NEK6: variants seen among roughly 807,000 people sequenced by gnomAD.
NEK6 encodes NIMA related kinase 6.
NEK6 carries 27 observed loss-of-function variants against 43.5 expected under a neutral mutation model. The ratio of observed to expected loss-of-function variants is 0.62; its 90% CI spans 0.46 to 0.86. The LOEUF is 0.86. Among genes scored for constraint, NEK6 ranks in the 40% least tolerant of loss-of-function variants. The probability of loss-of-function intolerance (pLI) is 0.00; values close to 1 mark genes in which losing one functional copy is unlikely to be tolerated. For missense variants in NEK6, 318 were observed against 414.4 expected, an observed-to-expected ratio of 0.77 and a Z score of 2.02; for synonymous variants, 167 against 164.1, an observed-to-expected ratio of 1.02 and a Z score of -0.14.
chr9:124,303,706 A>G (rs1397680189), intron 2 of NEK6, among the ~76,000 whole-genome samples: 3 of 152,244 alleles, frequency 2.0e-5, no homozygotes, highest in African/African-American at 4.8e-5. Context: ...GGGGAGGCAG[A>G]TCCCAGAAAG....
chr9:124,287,894 G>A (rs1383508146), intron 1 of NEK6, among the ~76,000 whole-genome samples: 1 of 152,220 alleles, frequency 6.6e-6, no homozygotes, highest in African/African-American at 2.4e-5. Flanking sequence ...CTGTGATCAT[G>A]AGGCACAATC....
chr9:124,325,068 G>A (rs147281728), intron 5 of NEK6, among the ~76,000 whole-genome samples: 2,348 of 152,182 alleles, frequency 0.015, 60 homozygotes, highest in African/African-American at 0.053. Context: ...CCAGCTACTC[G>A]GGAGACTGAG....
At chr9:124,301,616 T>A (rs539767762) in intron 1 of NEK6, among the ~76,000 whole-genome samples, 1 of 152,218 alleles carries the variant, frequency 6.6e-6, no homozygotes, top group South Asian at 2.1e-4. Context: ...AAAGAACAAG[T>A]CTTTGGACTC....
At chr9:124,320,030 C>T (rs991529014) in intron 4 of NEK6, among the ~76,000 whole-genome samples, 3 of 152,262 alleles carry the variant, frequency 2.0e-5, no homozygotes, top group Admixed American at 6.5e-5. Context: ...CTCCCAGCCA[C>T]CCCTGGGAAC....
intron 1 of NEK6, among the ~76,000 whole-genome samples, chr9:124,293,499 C>T (rs1326545313): frequency 1.3e-5 from 2 of 151,964 alleles, no homozygotes; most frequent in Non-Finnish European, 2.9e-5. Context: ...TTTTTTTCTT[C>T]CAGAATTGGG....
chr9:124,351,207 C>T lies in NEK6; in HGVS notation c.*260C>T, dbSNP rs1830258080. The T allele has an allele frequency of 2.4e-5, 9 of 378,826 alleles. 1 individual carries two copies. In the South Asian group the frequency reaches 2.9e-4, roughly 12 times the overall value. The allele number at this position is 378,826 out of a possible 1,614,324, so 23.5% of individuals were successfully genotyped here. ...ACAATCTCAGCTGGGTCAATAAGGG[C>T]AGGTGGTTCAGCGAGCCACGGCAGC... On this transcript the variant is annotated 3_prime_UTR_variant, in exon 10 of 10. Transcript: ENST00000320246.
chr9:124,307,790 T>G (rs1833331160), intron 2 of NEK6, among the ~76,000 whole-genome samples: 2 of 152,100 alleles, frequency 1.3e-5, no homozygotes, highest in Admixed American at 6.5e-5. Flanking sequence ...CAAGGTTGTG[T>G]CTCTTACCTG....
At chr9:124,273,610 C>G (rs895777157) in intron 1 of NEK6, among the ~76,000 whole-genome samples, 1 of 152,106 alleles carries the variant, frequency 6.6e-6, no homozygotes, top group African/African-American at 2.4e-5. Flanking sequence ...AAAGTTGTCC[C>G]GTCCCACCGT....
At chr9:124,288,365 C>G (rs1354858567) in intron 1 of NEK6, among the ~76,000 whole-genome samples, 1 of 152,154 alleles carries the variant, frequency 6.6e-6, no homozygotes, top group Non-Finnish European at 1.5e-5. Flanking sequence ...CTCCTGGGTT[C>G]AAGTGATTCT....
intron 7 of NEK6, 79 bp from the exon 8 acceptor site, chr9:124,339,492 C>A: frequency 4.1e-6 from 4 of 979,488 alleles, no homozygotes; most frequent in Non-Finnish European, 1.6e-6. Flanking sequence ...TCCCGTGTGC[C>A]CTCCCTCCAA....
intron 1 of NEK6, among the ~76,000 whole-genome samples, chr9:124,269,540 A>AT (rs544454675): frequency 2.0e-5 from 3 of 150,766 alleles, no homozygotes; most frequent in Non-Finnish European, 3.0e-5. Flanking sequence ...CGCCCGGCTA[A>AT]TTTTTTTTTG....
chr9:124,304,553 C>G (rs569579051), intron 2 of NEK6, among the ~76,000 whole-genome samples: 1 of 152,222 alleles, frequency 6.6e-6, no homozygotes, highest in East Asian at 1.9e-4. Context: ...ACATCCAACA[C>G]AGCACCTCAC....
At chr9:124,347,595 G>A (rs1588554250) in intron 8 of NEK6, 114 bp from the exon 9 acceptor site, 6 of 599,064 alleles carry the variant, frequency 1.0e-5, no homozygotes, top group East Asian at 3.0e-5. Flanking sequence ...TGGACTCGCC[G>A]CGGTCGGGAC....
chr9:124,303,062 A>G (rs1481591222), intron 2 of NEK6, among the ~76,000 whole-genome samples: 3 of 152,232 alleles, frequency 2.0e-5, no homozygotes, highest in Non-Finnish European at 4.4e-5. Flanking sequence ...TTGCGGGCCT[A>G]GGGAGCCCAG....
chr9:124,303,999 T>A (rs10760350), intron 2 of NEK6, among the ~76,000 whole-genome samples: 86,693 of 151,716 alleles, frequency 0.57, 24,994 homozygotes, highest in East Asian at 0.8. Flanking sequence ...GTCTCATCGT[T>A]CATGTTGGAG....
chr9:124,297,351 C>T (rs1465779890), intron 1 of NEK6, among the ~76,000 whole-genome samples: 2 of 152,206 alleles, frequency 1.3e-5, no homozygotes, highest in Non-Finnish European at 2.9e-5. Context: ...AAGGAGTTTA[C>T]AGTGACCCTA....
intron 1 of NEK6, among the ~76,000 whole-genome samples, chr9:124,260,421 T>A (rs1830986393): frequency 6.6e-6 from 1 of 152,046 alleles, no homozygotes; most frequent in South Asian, 2.1e-4. Flanking sequence ...TGAGACAGAG[T>A]CTCACTCTGT....
chr9:124,342,842 AACAC>A (rs921414937), intron 8 of NEK6, among the ~76,000 whole-genome samples: 7 of 152,204 alleles, frequency 4.6e-5, no homozygotes, highest in East Asian at 1.9e-4. Flanking sequence ...ACAGCATATG[AACAC>A]ACACACAGGC....
rs16927383 is a variant in NEK6, at chr9:124,350,691, T to C, written c.832-146T>C. On this transcript the variant is annotated intron_variant, in intron 9 of 9. Coordinates refer to ENST00000320246, the MANE Select transcript of NEK6 (RefSeq NM_014397.6). ...CTGCGCACCCCTTACTTGCCCCAGC[T>C]AAACACCGTTCTTCAGCTCTAACGG... 2.3e-3 allele frequency: 1,623 copies of C among 693,564 alleles called. 20 individuals carry two copies. The African/African-American group carries it at 0.026, about 11-fold the overall frequency. The allele number at this position is 693,564 out of a possible 1,614,324, so 43.0% of individuals were successfully genotyped here.
Sources: allele counts gnomAD v4.1 joint callset (sites outside exome capture counted in the v4.1 genomes callset), GRCh38; gene constraint gnomAD v4.1.1; transcripts MANE v1.5; gene names NCBI Gene and HGNC (gene_info 2026-07-23, HGNC 2026-07-21).